SLIT3: variants seen among roughly 807,000 people sequenced by gnomAD.
The protein encoded by SLIT3 is slit homolog 3 protein.
A neutral mutation model predicts 184.0 loss-of-function variants in SLIT3; 68 were observed. The ratio of observed to expected loss-of-function variants is 0.37; its 90% CI spans 0.30 to 0.45. The LOEUF (loss-of-function observed/expected upper bound fraction) is 0.45. Among genes scored for constraint, SLIT3 ranks in the 20% least tolerant of loss-of-function variants. The probability of loss-of-function intolerance (pLI) is 1.00; values close to 1 mark genes in which losing one functional copy is unlikely to be tolerated. For synonymous variants in SLIT3, 831 were observed against 828.6 expected (o/e 1.00, Z -0.05); for missense variants, 1,707 against 2,026.0 (o/e 0.84, Z 3.02).
intron 5 of SLIT3, among the ~76,000 whole-genome samples, chr5:168,867,462 C>T (rs558092731): frequency 6.6e-6 from 1 of 152,138 alleles, no homozygotes; most frequent in African/African-American, 2.4e-5. Flanking sequence ...GTTGGTCCCT[C>T]GGTATTTGGA....
At chr5:169,063,304 C>T (rs949753163) in intron 4 of SLIT3, among the ~76,000 whole-genome samples, 4 of 152,222 alleles carry the variant, frequency 2.6e-5, no homozygotes, top group African/African-American at 9.6e-5. Context: ...AGGCTTGCCC[C>T]TTGATAGCCA....
intron 4 of SLIT3, among the ~76,000 whole-genome samples, chr5:169,086,673 T>A (rs552030340): frequency 6.6e-6 from 1 of 152,360 alleles, no homozygotes; most frequent in South Asian, 2.1e-4. Context: ...TGCTGGTGAT[T>A]ATGAAAATTT....
intron 1 of SLIT3, among the ~76,000 whole-genome samples, chr5:169,295,771 C>T (rs891947698): frequency 1.3e-5 from 2 of 152,196 alleles, no homozygotes; most frequent in South Asian, 2.1e-4. Flanking sequence ...GAGAAAACAA[C>T]ATAACAATCA....
intron 4 of SLIT3, among the ~76,000 whole-genome samples, chr5:169,073,584 G>C (rs1212547666): frequency 6.6e-6 from 1 of 151,934 alleles, no homozygotes; most frequent in East Asian, 1.9e-4. Context: ...GTTGGAGGTG[G>C]GGCCTAGTGG....
At chr5:169,226,503 A>G (rs1764816139) in intron 3 of SLIT3, among the ~76,000 whole-genome samples, 2 of 152,254 alleles carry the variant, frequency 1.3e-5, no homozygotes, top group South Asian at 4.2e-4. Context: ...GATCTTCGGG[A>G]CTAAAAACAA....
At chr5:168,874,390 C>A (rs1053773331) in intron 5 of SLIT3, among the ~76,000 whole-genome samples, 1 of 152,158 alleles carries the variant, frequency 6.6e-6, no homozygotes, top group Admixed American at 6.5e-5. Flanking sequence ...TCTCTTTGTT[C>A]TGCAAGTCAT....
intron 3 of SLIT3, among the ~76,000 whole-genome samples, chr5:169,206,880 G>A (rs1447352718): frequency 6.6e-6 from 1 of 151,936 alleles, no homozygotes; most frequent in Non-Finnish European, 1.5e-5. Flanking sequence ...ATTTCTTCCC[G>A]ATTCAGGTCC....
chr5:168,702,047 T>G (rs902232780), intron 26 of SLIT3, among the ~76,000 whole-genome samples: 8 of 152,198 alleles, frequency 5.3e-5, no homozygotes, highest in African/African-American at 1.9e-4. Context: ...GTTCCCTTCA[T>G]GCCCTGTCCC....
intron 4 of SLIT3, among the ~76,000 whole-genome samples, chr5:168,919,468 T>C (rs2113117667): frequency 6.6e-6 from 1 of 152,226 alleles, no homozygotes; most frequent in South Asian, 2.1e-4. Flanking sequence ...AACTATGATA[T>C]ACTGTTAAGC....
At chr5:169,041,118 A>G (rs893202699) in intron 4 of SLIT3, among the ~76,000 whole-genome samples, 1 of 152,222 alleles carries the variant, frequency 6.6e-6, no homozygotes, top group African/African-American at 2.4e-5. Flanking sequence ...CAGAAGTACA[A>G]TATCATTCAA....
At chr5:168,730,474 GC>G (rs1369498394) in intron 20 of SLIT3, among the ~76,000 whole-genome samples, 1 of 151,930 alleles carries the variant, frequency 6.6e-6, no homozygotes, top group Non-Finnish European at 1.5e-5. Flanking sequence ...CCACAAGTTA[GC>G]CCACAAAACA....
chr5:169,001,780 A>C (rs1312077046), intron 4 of SLIT3, among the ~76,000 whole-genome samples: 10 of 152,116 alleles, frequency 6.6e-5, no homozygotes, highest in Non-Finnish European at 1.5e-4. Context: ...GCCAAAAGAA[A>C]AGTTTTAGAC....
At chr5:168,719,537 T>C (rs1052792313) in intron 23 of SLIT3, among the ~76,000 whole-genome samples, 2 of 152,234 alleles carry the variant, frequency 1.3e-5, no homozygotes, top group Admixed American at 1.3e-4. Context: ...TGATAAGCAC[T>C]TTCCCACATT....
At chr5:168,950,796 C>T (rs569023010) in intron 4 of SLIT3, among the ~76,000 whole-genome samples, 8 of 152,368 alleles carry the variant, frequency 5.3e-5, no homozygotes, top group Middle Eastern at 3.4e-3. Context: ...CCTGCACATA[C>T]GCTGACCAAA....
intron 4 of SLIT3, among the ~76,000 whole-genome samples, chr5:169,167,803 CA>C (rs1762689230): frequency 6.6e-6 from 1 of 152,152 alleles, no homozygotes; most frequent in African/African-American, 2.4e-5. Flanking sequence ...TGCCACCCAG[CA>C]ACCCCTCACT....
At chr5:168,728,703 G>T (rs1341393744) in intron 20 of SLIT3, among the ~76,000 whole-genome samples, 1 of 152,070 alleles carries the variant, frequency 6.6e-6, no homozygotes, top group Non-Finnish European at 1.5e-5. Context: ...AGGACTGCTT[G>T]AGCCCAGGAA....
chr5:169,106,912 A>T (rs911909891), intron 4 of SLIT3, among the ~76,000 whole-genome samples: 5 of 152,206 alleles, frequency 3.3e-5, no homozygotes, highest in Admixed American at 6.5e-5. Flanking sequence ...TCTTTAGCCA[A>T]ATGCAGCTTT....
chr5:169,025,328 A>AC (rs1756775296), intron 4 of SLIT3, among the ~76,000 whole-genome samples: 1 of 152,206 alleles, frequency 6.6e-6, no homozygotes, highest in African/African-American at 2.4e-5. Context: ...CCCAGCTCGT[A>AC]CCAGAAGGTA....
chr5:169,038,826 C>T (rs1257428162), intron 4 of SLIT3, among the ~76,000 whole-genome samples: 1 of 152,090 alleles, frequency 6.6e-6, no homozygotes, highest in Non-Finnish European at 1.5e-5. Context: ...ACACACAGTA[C>T]AAAGAGAATG....
Sources: gnomAD v4.1 joint callset for allele counts (sites outside exome capture counted in the v4.1 genomes callset) on GRCh38, gnomAD v4.1.1 for gene constraint, MANE v1.5 for transcripts, NCBI Gene and HGNC (gene_info 2026-07-23, HGNC 2026-07-21) for gene names.